RYR3: variants seen among roughly 807,000 people sequenced by gnomAD.
The protein encoded by RYR3 is brain ryanodine receptor-calcium release channel.
In RYR3, 207 loss-of-function variants were observed where a neutral mutation model predicts 584.3. The ratio of observed to expected loss-of-function variants is 0.35; its 90% CI spans 0.32 to 0.40. The LOEUF (loss-of-function observed/expected upper bound fraction) is 0.40. Ranked by LOEUF, RYR3 falls within the 10% of genes least tolerant of loss-of-function variation. RYR3 has a pLI of 1.00. For synonymous variants in RYR3, 2,416 were observed against 2,248.5 expected (o/e 1.07, Z -2.11); for missense variants, 5,616 against 6,089.2 (o/e 0.92, Z 2.59).
rs147110752 is a variant in RYR3 at position 33,694,256 on chromosome 15, T to G, written c.5861-1962T>G. Among the ~76,000 whole-genome samples the G allele has an allele frequency of 2.5e-3, 379 of 152,200 alleles. 2 individuals carry two copies. Among genetic ancestry groups the G allele is most frequent in the African/African-American group, 8.6e-3 (359 of 41,556 alleles). On this transcript the variant is annotated intron_variant, in intron 38 of 103. Transcript: ENST00000634891. Reference sequence around the variant, plus strand: ...TCTATTATTACTAGTTTTTGTTTTTTTTTTTTCAAGACGGAGTCTTGGTCT... The same window carrying G: ...TCTATTATTACTAGTTTTTGTTTTTGTTTTTTCAAGACGGAGTCTTGGTCT...
chr15:33,505,508 T>A (rs1178591204), intron 3 of RYR3, among the ~76,000 whole-genome samples: 1 of 152,240 alleles, frequency 6.6e-6, no homozygotes. Flanking sequence ...TTTGTTGTTG[T>A]TGAGACGGAG....
intron 5 of RYR3, 128 bp from the exon 6 acceptor site, chr15:33,539,222 T>C: frequency 1.6e-6 from 1 of 612,016 alleles, no homozygotes; most frequent in Admixed American, 2.6e-5. Flanking sequence ...CCAACAGAAG[T>C]TGAGGTCTGG....
chr15:33,316,878 C>T (rs1242213133), intron 1 of RYR3, among the ~76,000 whole-genome samples: 1 of 152,198 alleles, frequency 6.6e-6, no homozygotes, highest in Non-Finnish European at 1.5e-5. Flanking sequence ...TCCCTCCATC[C>T]CAGAGCTGTT....
In RYR3 at chr15:33,433,840, G is replaced by A. The variant is rs189525208; in HGVS notation, c.52-39579G>A. Reference sequence around the variant, plus strand: ...TTTTTAAGTAAACTGATGCATTTTAGTGGTATTTCTTTTCAAGTCCCATTT... The same window carrying A: ...TTTTTAAGTAAACTGATGCATTTTAATGGTATTTCTTTTCAAGTCCCATTT... On this transcript the variant is annotated intron_variant, in intron 1 of 103. Coordinates refer to ENST00000634891, the MANE Select transcript of RYR3 (RefSeq NM_001036.6). 2.1e-3 allele frequency among the ~76,000 whole-genome samples: 322 copies of A among 152,242 alleles called. 1 individual carries two copies. Among genetic ancestry groups the A allele is most frequent in the African/African-American group, 7.5e-3 (313 of 41,558 alleles).
At chr15:33,757,440 G>C (rs1270854405) in intron 59 of RYR3, 35 bp from the exon 60 acceptor site, 5 of 1,583,474 alleles carry the variant, frequency 3.2e-6, no homozygotes, top group African/African-American at 2.7e-5. Context: ...GTTTTGGATA[G>C]CTTCCTAGAA....
At chr15:33,444,770 G>T (rs1372734116) in intron 1 of RYR3, among the ~76,000 whole-genome samples, 3 of 152,148 alleles carry the variant, frequency 2.0e-5, no homozygotes, top group Non-Finnish European at 4.4e-5. Flanking sequence ...GCCCTGAAAA[G>T]GAAAGGCTTG....
intron 13 of RYR3, 115 bp downstream of exon 13, chr15:33,580,259 A>C: frequency 2.3e-6 from 2 of 860,334 alleles, no homozygotes. Context: ...GAGCCAGAGG[A>C]CAAGAGAGAT....
At chr15:33,376,980 T>TGATCTATC (rs1376229900) in intron 1 of RYR3, among the ~76,000 whole-genome samples, 1 of 152,228 alleles carries the variant, frequency 6.6e-6, no homozygotes, top group Non-Finnish European at 1.5e-5. Flanking sequence ...ATTGATCTAT[T>TGATCTATC]GATCTATCCT....
At chr15:33,649,040 G>A in intron 30 of RYR3, 32 bp from the exon 31 acceptor site, 2 of 1,582,798 alleles carry the variant, frequency 1.3e-6, no homozygotes, top group Non-Finnish European at 1.7e-6. Context: ...GGGGCTGGGG[G>A]CCATTGACTC....
At chr15:33,746,486 A>G (rs2070728545) in intron 53 of RYR3, among the ~76,000 whole-genome samples, 1 of 152,150 alleles carries the variant, frequency 6.6e-6, no homozygotes, top group Admixed American at 6.5e-5. Flanking sequence ...GGGAGAAGGC[A>G]CGGTGAAATT....
chr15:33,790,397 T>G (rs1448552190), intron 67 of RYR3, among the ~76,000 whole-genome samples: 1 of 152,058 alleles, frequency 6.6e-6, no homozygotes, highest in African/African-American at 2.4e-5. Flanking sequence ...AGATTCTGGG[T>G]CTGTTTTGAA....
intron 42 of RYR3, among the ~76,000 whole-genome samples, chr15:33,701,497 G>A (rs1364056397): frequency 6.6e-6 from 1 of 152,186 alleles, no homozygotes; most frequent in Non-Finnish European, 1.5e-5. Flanking sequence ...GCCCTCTGCT[G>A]GGAGTGTGGA....
At chr15:33,722,158 A>G (rs1284593587) in intron 43 of RYR3, among the ~76,000 whole-genome samples, 1 of 152,150 alleles carries the variant, frequency 6.6e-6, no homozygotes, top group Non-Finnish European at 1.5e-5. Context: ...CGTTAATTGA[A>G]GCACACCAGC....
chr15:33,794,115 A>G (rs2075374766), intron 67 of RYR3, among the ~76,000 whole-genome samples: 1 of 131,916 alleles, frequency 7.6e-6, no homozygotes, highest in African/African-American at 2.9e-5. Flanking sequence ...AATATAATAT[A>G]CATAAATATA....
chr15:33,519,888 G>A (rs1464711308), intron 3 of RYR3, among the ~76,000 whole-genome samples: 1 of 152,106 alleles, frequency 6.6e-6, no homozygotes, highest in Non-Finnish European at 1.5e-5. Context: ...TCAAGAAAAA[G>A]GCAAGATCGC....
chr15:33,747,968 C>T (rs1567084310), intron 53 of RYR3, 146 bp from the exon 54 acceptor site: 4 of 705,208 alleles, frequency 5.7e-6, no homozygotes, highest in Non-Finnish European at 9.9e-6. Context: ...GGTAAGATGC[C>T]ACAAAGGATG....
At chr15:33,737,028 G>A (rs1398748831) in intron 49 of RYR3, among the ~76,000 whole-genome samples, 1 of 152,134 alleles carries the variant, frequency 6.6e-6, no homozygotes, top group Non-Finnish European at 1.5e-5. Context: ...CCAAAGTGCT[G>A]GGATTACAGG....
rs1280019161 is a variant in RYR3 at position 33,865,955 on chromosome 15, T to TACTGAAAATTCAGAAAA, written c.*731_*747dup. 6.5e-6 allele frequency: 1 copy of TACTGAAAATTCAGAAAA among 152,782 alleles called. No individual in the cohort carries two copies. The highest frequency in any genetic ancestry group is 1.5e-5 in the Non-Finnish European group (1 of 68,148). 9.5% of individuals were successfully genotyped at this position (152,782 alleles called of 1,614,324 possible). A position where few individuals can be genotyped will look rare whatever the true frequency, so the allele number is the denominator to read the frequency against. ...TGCTGTTATTAGAAGAAAAGTACTG[T>TACTGAAAATTCAGAAAA]ACTGAAAATTCAGAAAAAAAATCTC... On this transcript the variant is annotated 3_prime_UTR_variant, in exon 104 of 104. Coordinates refer to ENST00000634891, the MANE Select transcript of RYR3 (RefSeq NM_001036.6).
intron 57 of RYR3, 45 bp from the exon 58 acceptor site, chr15:33,755,020 T>C (rs373489799): frequency 3.3e-5 from 35 of 1,051,720 alleles, no homozygotes; most frequent in Non-Finnish European, 4.4e-5. Flanking sequence ...CTGAGTGACA[T>C]GGTTGTCTCT....
Sources: allele counts gnomAD v4.1 joint callset (sites outside exome capture counted in the v4.1 genomes callset), GRCh38; gene constraint gnomAD v4.1.1; transcripts MANE v1.5; gene names NCBI Gene and HGNC (gene_info 2026-07-23, HGNC 2026-07-21).